Variants in ARHGAP44 observed in about 807,000 individuals in gnomAD.
The protein encoded by ARHGAP44 is Rho GTPase activating protein 44, also known as rho GTPase-activating protein 44.
In ARHGAP44, 43 loss-of-function variants were observed where a neutral mutation model predicts 106.8. The ratio of observed to expected loss-of-function variants is 0.40; its 90% CI spans 0.32 to 0.52. The LOEUF is 0.52. Ranked by LOEUF, ARHGAP44 falls within the 20% of genes least tolerant of loss-of-function variation. ARHGAP44 has a pLI of 0.48. For missense variants in ARHGAP44, 866 were observed against 1,050.5 expected (o/e 0.82, Z 2.43); for synonymous variants, 439 against 410.3 (o/e 1.07, Z -0.85).
chr17:12,901,869 T>C (rs2037384976), intron 3 of ARHGAP44, among the ~76,000 whole-genome samples: 1 of 152,148 alleles, frequency 6.6e-6, no homozygotes, highest in Admixed American at 6.5e-5. Context: ...ATACCCGCCA[T>C]GTCCAGGCTG....
At chr17:12,804,252 T>C (rs2034206509) in intron 1 of ARHGAP44, among the ~76,000 whole-genome samples, 1 of 152,176 alleles carries the variant, frequency 6.6e-6, no homozygotes, top group African/African-American at 2.4e-5. Context: ...TTTCCTCTAG[T>C]CTAGGCCAAT....
chr17:12,888,893 T>C (rs1361100325), intron 1 of ARHGAP44, among the ~76,000 whole-genome samples: 1 of 152,216 alleles, frequency 6.6e-6, no homozygotes, highest in East Asian at 1.9e-4. Context: ...TATGTGACAT[T>C]AATATAGATA....
chr17:12,851,654 C>T (rs927967711), intron 1 of ARHGAP44, among the ~76,000 whole-genome samples: 7 of 152,170 alleles, frequency 4.6e-5, no homozygotes, highest in South Asian at 2.1e-4. Context: ...TGGCTGGTCT[C>T]GAACTCCTGA....
intron 1 of ARHGAP44, among the ~76,000 whole-genome samples, chr17:12,852,738 T>C (rs2035791887): frequency 6.6e-6 from 1 of 152,122 alleles, no homozygotes; most frequent in African/African-American, 2.4e-5. Context: ...AGACGGGGTT[T>C]CACCATGTTA....
intron 6 of ARHGAP44, among the ~76,000 whole-genome samples, chr17:12,921,024 A>G (rs1333644383): frequency 6.6e-6 from 1 of 152,132 alleles, no homozygotes; most frequent in East Asian, 1.9e-4. Flanking sequence ...GTTCTACCTT[A>G]GGTTTTTCGT....
intron 1 of ARHGAP44, among the ~76,000 whole-genome samples, chr17:12,851,190 C>T (rs2035728829): frequency 6.6e-6 from 1 of 152,234 alleles, no homozygotes; most frequent in African/African-American, 2.4e-5. Flanking sequence ...CACGTAAAGG[C>T]TGGCACCTCC....
intron 12 of ARHGAP44, among the ~76,000 whole-genome samples, chr17:12,951,199 A>G (rs1024580): frequency 0.3 from 45,100 of 152,138 alleles, 6,971 homozygotes; most frequent in African/African-American, 0.38. Context: ...GAGACTTGAC[A>G]TTGTTTTAAG....
chr17:12,842,414 C>CAAAAAAAAAAAAAAAAAAAAAAAAAAAA (rs558245390), intron 1 of ARHGAP44, among the ~76,000 whole-genome samples: 1 of 56,426 alleles, frequency 1.8e-5, no homozygotes, highest in Admixed American at 2.1e-4. Context: ...GAGACCATCT[C>CAAAAAAAAAAAAAAAAAAAAAAAAAAAA]AAAAAAAAAA....
chr17:12,819,609 C>G (rs2034705154), intron 1 of ARHGAP44, among the ~76,000 whole-genome samples: 1 of 150,224 alleles, frequency 6.7e-6, no homozygotes, highest in Admixed American at 6.6e-5. Flanking sequence ...ATTTTTGCCA[C>G]TTCAGTAGCT....
chr17:12,811,312 C>CAA (rs368637195), intron 1 of ARHGAP44, among the ~76,000 whole-genome samples: 1,329 of 98,630 alleles, frequency 0.013, 26 homozygotes, highest in Middle Eastern at 0.051. Context: ...GACTCCTTCT[C>CAA]AAAAAAAAAA....
chr17:12,913,513 G>A (rs967074079), intron 4 of ARHGAP44, among the ~76,000 whole-genome samples: 2 of 151,452 alleles, frequency 1.3e-5, no homozygotes, highest in South Asian at 2.1e-4. Context: ...AAATGGAAAC[G>A]GAAACATAGC....
At chr17:12,894,715 A>G (rs756032383) in intron 1 of ARHGAP44, among the ~76,000 whole-genome samples, 2 of 152,166 alleles carry the variant, frequency 1.3e-5, no homozygotes, top group Admixed American at 6.5e-5. Flanking sequence ...CCAGGTTCCA[A>G]TCTGTAGCAG....
At position 12,990,112 on chromosome 17, in the gene ARHGAP44, C is replaced by G. The variant is rs1567729845; in HGVS notation, c.2398C>G (p.Arg800Gly). 5.0e-6 allele frequency: 8 copies of G among 1,613,666 alleles called. No individual in the cohort carries two copies. Among genetic ancestry groups the G allele is most frequent in the Non-Finnish European group, 5.9e-6 (7 of 1,179,690 alleles). ...LRLSPLEHMR[R>G]HSVTDKRDSE... ...CCTGAGTCCCCTGGAGCACATGCGG[C>G]GACACTCAGTAACTGACAAGAGGGA... is the stretch of plus-strand genomic sequence containing the variant. Residue 800 changes from arginine to glycine, a missense_variant, in exon 21 of 21, where the codon CGA becomes GGA. Transcript: ENST00000379672.
chr17:12,853,910 G>A (rs1392723300), intron 1 of ARHGAP44, among the ~76,000 whole-genome samples: 1 of 151,930 alleles, frequency 6.6e-6, no homozygotes, highest in Non-Finnish European at 1.5e-5. Flanking sequence ...TCTGCCTCTT[G>A]TCCCAATTCC....
Position 12,974,586 on chromosome 17 carries a change from ACT to A in ARHGAP44, c.1763+279_1763+280del, listed in dbSNP as rs1303052031. Among the ~76,000 whole-genome samples the A allele has an allele frequency of 3.3e-5, 5 of 151,662 alleles. No homozygotes were observed. The East Asian group carries it at 9.7e-4, about 29-fold the overall frequency. On this transcript the variant is annotated intron_variant, in intron 18 of 20. Coordinates refer to ENST00000379672, the MANE Select transcript of ARHGAP44 (RefSeq NM_014859.6). ...AGGGTGAAGAGTCTTAGGTTCCCCA[ACT>A]CTGTTTTCCCCTTCCTCTGTCTTTG...
intron 10 of ARHGAP44, among the ~76,000 whole-genome samples, chr17:12,948,723 T>TACACACACACACACACACAC (rs71369353): frequency 6.8e-5 from 2 of 29,366 alleles, no homozygotes; most frequent in African/African-American, 2.7e-4. Context: ...CCAACACACA[T>TACACACACACACACACACAC]ACACACACAC....
chr17:12,810,026 A>G (rs935966775), intron 1 of ARHGAP44, among the ~76,000 whole-genome samples: 1 of 152,124 alleles, frequency 6.6e-6, no homozygotes, highest in African/African-American at 2.4e-5. Flanking sequence ...GTGGAACTGA[A>G]GCATTTAATC....
intron 1 of ARHGAP44, among the ~76,000 whole-genome samples, chr17:12,817,934 A>C (rs928166093): frequency 3.3e-5 from 5 of 152,012 alleles, no homozygotes; most frequent in Admixed American, 1.3e-4. Context: ...AGTTGTACCA[A>C]ACATTTGAGG....
chr17:12,959,627 C>G (rs535825978), intron 16 of ARHGAP44, among the ~76,000 whole-genome samples: 1 of 152,290 alleles, frequency 6.6e-6, no homozygotes, highest in East Asian at 1.9e-4. Flanking sequence ...GCCATGGCAA[C>G]CAGAGGACGT....
Sources: gnomAD v4.1 joint callset for allele counts (sites outside exome capture counted in the v4.1 genomes callset) on GRCh38, gnomAD v4.1.1 for gene constraint, MANE v1.5 for transcripts, NCBI Gene and HGNC (gene_info 2026-07-23, HGNC 2026-07-21) for gene names.